The following EDIL3 variants were observed in gnomAD, a reference collection of about 807,000 sequenced individuals.
EDIL3 encodes the protein EGF-like repeat and discoidin I-like domain-containing protein 3.
Under a neutral mutation model 67.4 loss-of-function variants are expected in EDIL3, and 37 were observed. That is an observed-to-expected ratio of 0.55 (90% CI 0.42 to 0.72). The LOEUF (loss-of-function observed/expected upper bound fraction) is 0.72, where lower values mean the gene tolerates loss of function less well. EDIL3 is among the 30% of genes least tolerant of loss of function. EDIL3 has a pLI of 0.00. For missense variants in EDIL3, 527 were observed against 586.3 expected, an observed-to-expected ratio of 0.90 and a Z score of 1.04; for synonymous variants, 195 against 196.3, an observed-to-expected ratio of 0.99 and a Z score of 0.05.
At chr5:84,193,804 C>T (rs528983557) in intron 3 of EDIL3, among the ~76,000 whole-genome samples, 69 of 151,914 alleles carry the variant, frequency 4.5e-4, no homozygotes, top group Admixed American at 3.1e-3. Context: ...GTGAGATTTC[C>T]GTTTTATGTT....
intron 9 of EDIL3, among the ~76,000 whole-genome samples, chr5:84,008,388 T>C (rs1273064967): frequency 6.6e-6 from 1 of 152,080 alleles, no homozygotes; most frequent in Non-Finnish European, 1.5e-5. Context: ...TGTATCAAAA[T>C]ACCTCACATA....
In EDIL3 at chr5:83,943,313, G is replaced by GGA; in HGVS notation, c.*105_*106insTC. 1.6e-6 allele frequency: 2 copies of GGA among 1,276,770 alleles called. No individual in the cohort carries two copies. Among genetic ancestry groups the GGA allele is most frequent in the Non-Finnish European group, 1.1e-6 (1 of 948,100 alleles). 79.1% of individuals were successfully genotyped at this position (1,276,770 alleles called of 1,614,324 possible). On this transcript the variant is annotated 3_prime_UTR_variant, in exon 11 of 11. Transcript: ENST00000296591. ...TACCATAATTTGAGCACTTTTTCAT[G>GGA]AAAAAAAAAAAAAAACCATTCAGTT...
chr5:84,116,117 G>A (rs1747657838), intron 5 of EDIL3, among the ~76,000 whole-genome samples: 1 of 144,146 alleles, frequency 6.9e-6, no homozygotes, highest in Non-Finnish European at 1.5e-5. Flanking sequence ...TTTGTTTTCT[G>A]TACAATGTAG....
At chr5:84,292,440 A>G (rs149098778) in intron 1 of EDIL3, among the ~76,000 whole-genome samples, 18 of 152,284 alleles carry the variant, frequency 1.2e-4, no homozygotes, top group African/African-American at 4.1e-4. Flanking sequence ...TTATAAATGC[A>G]CTTTTGTTTA....
chr5:84,105,780 T>C (rs970609978), intron 6 of EDIL3, among the ~76,000 whole-genome samples: 6 of 152,068 alleles, frequency 3.9e-5, no homozygotes, highest in Non-Finnish European at 1.5e-5. Flanking sequence ...GTAGCATCTT[T>C]AATCAGGCTG....
At chr5:84,239,527 T>G (rs905176498) in intron 2 of EDIL3, among the ~76,000 whole-genome samples, 1 of 152,196 alleles carries the variant, frequency 6.6e-6, no homozygotes, top group Admixed American at 6.5e-5. Flanking sequence ...CCAGCACATG[T>G]ATGTTTATTG....
chr5:83,943,602 C>T (rs768401189), intron 10 of EDIL3, 34 bp from the exon 11 acceptor site: 3 of 1,606,132 alleles, frequency 1.9e-6, no homozygotes, highest in African/African-American at 1.3e-5. Context: ...GTCAGTCACA[C>T]AGCCTTCTTT....
chr5:84,033,456 T>TC, intron 9 of EDIL3, among the ~76,000 whole-genome samples: 1 of 152,238 alleles, frequency 6.6e-6, no homozygotes, highest in South Asian at 2.1e-4. Flanking sequence ...ATGCCTGTAA[T>TC]CCCAGCATTT....
intron 3 of EDIL3, among the ~76,000 whole-genome samples, chr5:84,223,304 G>C (rs1744384733): frequency 6.6e-6 from 1 of 151,600 alleles, no homozygotes; most frequent in African/African-American, 2.4e-5. Flanking sequence ...TATATGCCCA[G>C]ATGAAATAAT....
chr5:84,273,725 T>C (rs1263706504), intron 1 of EDIL3, among the ~76,000 whole-genome samples: 1 of 152,194 alleles, frequency 6.6e-6, no homozygotes, highest in Non-Finnish European at 1.5e-5. Context: ...CATTAATGTT[T>C]CTACCACACT....
intron 4 of EDIL3, among the ~76,000 whole-genome samples, chr5:84,164,310 T>C (rs1748666355): frequency 1.3e-5 from 2 of 152,268 alleles, no homozygotes; most frequent in South Asian, 2.1e-4. Context: ...ATAGTTCTCA[T>C]TACTTGATGA....
intron 9 of EDIL3, among the ~76,000 whole-genome samples, chr5:83,993,431 C>G (rs1255112853): frequency 6.6e-6 from 1 of 152,160 alleles, no homozygotes; most frequent in Non-Finnish European, 1.5e-5. Flanking sequence ...GTAAATAAAT[C>G]TCATGACTTA....
chr5:84,318,186 T>C (rs952758986), intron 1 of EDIL3, among the ~76,000 whole-genome samples: 7 of 152,222 alleles, frequency 4.6e-5, no homozygotes, highest in Non-Finnish European at 1.0e-4. Context: ...GAATATTCCA[T>C]GCTCATGGAT....
At chr5:84,058,220 C>A (rs192961297) in intron 9 of EDIL3, among the ~76,000 whole-genome samples, 3 of 151,926 alleles carry the variant, frequency 2.0e-5, no homozygotes, top group African/African-American at 7.3e-5. Flanking sequence ...GGGTAAGAAA[C>A]GAACTGGGGC....
chr5:84,210,001 T>C (rs1053496438), intron 3 of EDIL3, among the ~76,000 whole-genome samples: 2 of 152,206 alleles, frequency 1.3e-5, no homozygotes, highest in African/African-American at 4.8e-5. Context: ...TTTATCACTA[T>C]CCTTTTTAAA....
intron 9 of EDIL3, among the ~76,000 whole-genome samples, chr5:84,047,275 A>G (rs1318068612): frequency 1.3e-5 from 2 of 152,096 alleles, no homozygotes; most frequent in Non-Finnish European, 2.9e-5. Flanking sequence ...CTTACTTATT[A>G]AATATTAAGT....
At chr5:84,319,091 A>G (rs1746571819) in intron 1 of EDIL3, among the ~76,000 whole-genome samples, 1 of 152,144 alleles carries the variant, frequency 6.6e-6, no homozygotes, top group Admixed American at 6.6e-5. Context: ...TGCAAATCAA[A>G]ACCACAATGA....
intron 3 of EDIL3, among the ~76,000 whole-genome samples, chr5:84,218,354 T>C (rs1744274140): frequency 6.6e-6 from 1 of 152,224 alleles, no homozygotes; most frequent in African/African-American, 2.4e-5. Flanking sequence ...AGAAGGATTA[T>C]AGTCAGCAGT....
rs1465727539 is a variant in EDIL3, at chr5:83,941,533, T to A, written c.*1886A>T. 1 of 152,022 alleles carries A rather than the reference T, an allele frequency of 6.6e-6. No homozygotes were observed. Among genetic ancestry groups the A allele is most frequent in the Non-Finnish European group, 1.5e-5 (1 of 67,924 alleles). 9.4% of individuals were successfully genotyped at this position (152,022 alleles called of 1,614,324 possible). On this transcript the variant is annotated 3_prime_UTR_variant, in exon 11 of 11. Coordinates refer to ENST00000296591, the MANE Select transcript of EDIL3 (RefSeq NM_005711.5). ...TGGGACAGTAAACCTTGAAAGAAAC[T>A]GGCTAAAGAGTAAGTGTGTGTATAT...
Sources: gnomAD v4.1 joint callset for allele counts (sites outside exome capture counted in the v4.1 genomes callset) on GRCh38, gnomAD v4.1.1 for gene constraint, MANE v1.5 for transcripts, NCBI Gene and HGNC (gene_info 2026-07-23, HGNC 2026-07-21) for gene names.